SMS: variants seen among roughly 807,000 people sequenced by gnomAD.
SMS encodes the protein spermine synthase.
In SMS, 3 loss-of-function variants were observed where a neutral mutation model predicts 33.0. The observed-to-expected ratio is 0.09, with a 90% CI of 0.04 to 0.23. SMS has a LOEUF of 0.23. Among genes scored for constraint, SMS ranks in the 10% least tolerant of loss-of-function variants. SMS has a pLI of 1.00. For synonymous variants in SMS, 103 were observed against 112.2 expected, an observed-to-expected ratio of 0.92 and a Z score of 0.52; for missense variants, 117 against 288.6, an observed-to-expected ratio of 0.41 and a Z score of 4.31.
At chrX:21,946,699 A>G (rs887127139) in intron 1 of SMS, among the ~76,000 whole-genome samples, 6 of 111,518 alleles carry the variant, frequency 5.4e-5, no homozygotes, top group African/African-American at 1.6e-4. Context: ...GGGAGATGCT[A>G]CTAGCATCTA....
intron 2 of SMS, among the ~76,000 whole-genome samples, chrX:21,969,839 G>A (rs1241035955): frequency 1.8e-5 from 2 of 112,924 alleles, no homozygotes; most frequent in South Asian, 3.6e-4. Flanking sequence ...TTTTGAGACC[G>A]AATCTTGCTC....
At chrX:21,950,036 G>A (rs770339668) in intron 1 of SMS, among the ~76,000 whole-genome samples, 2 of 111,563 alleles carry the variant, frequency 1.8e-5, no homozygotes, top group Non-Finnish European at 3.8e-5. Context: ...CAGTGCCTTG[G>A]ATCATGCTTT....
chrX:21,972,171 C>T (rs1029189724), intron 3 of SMS, among the ~76,000 whole-genome samples, 181 bp downstream of exon 3: 1 of 112,446 alleles, frequency 8.9e-6, no homozygotes, highest in Non-Finnish European at 1.9e-5. Flanking sequence ...TGGGTGTCAG[C>T]GTTCCCTTTT....
chrX:21,943,634 TG>T (rs1015917071), intron 1 of SMS, among the ~76,000 whole-genome samples: 1 of 105,816 alleles, frequency 9.5e-6, no homozygotes, highest in South Asian at 4.4e-4. Context: ...TACGTGTGTG[TG>T]GGGGGGTGGG....
At chrX:21,944,944 A>G (rs1005307104) in intron 1 of SMS, among the ~76,000 whole-genome samples, 2 of 112,014 alleles carry the variant, frequency 1.8e-5, no homozygotes, top group Non-Finnish European at 3.8e-5. Flanking sequence ...GTGCCACTGC[A>G]CTCCAGCCTG....
At position 21,967,153 on chromosome X, in the gene SMS, C is replaced by T. The variant is rs754855641; in HGVS notation, c.50-43C>T. Reference sequence around the variant, plus strand: ...GTGCCTCATTGGCCTTCCTTCTGAACGTTTCTTTCTGACCATCTTGCCTTC... The same window carrying T: ...GTGCCTCATTGGCCTTCCTTCTGAATGTTTCTTTCTGACCATCTTGCCTTC... On this transcript the variant is annotated intron_variant, in intron 1 of 10. Coordinates refer to ENST00000404933, the MANE Select transcript of SMS (RefSeq NM_004595.5). 19 of 1,200,341 alleles carry T rather than the reference C, an allele frequency of 1.6e-5. No individual in the cohort carries two copies. In the East Asian group the frequency reaches 2.4e-4, roughly 15 times the overall value.
intron 7 of SMS, among the ~76,000 whole-genome samples, chrX:21,982,527 A>G (rs1925034067): frequency 9.0e-6 from 1 of 111,543 alleles, no homozygotes; most frequent in Non-Finnish European, 1.9e-5. Flanking sequence ...TCAAAACCGG[A>G]ACACACGGCT....
At chrX:21,941,757 C>A in intron 1 of SMS, among the ~76,000 whole-genome samples, 1 of 107,047 alleles carries the variant, frequency 9.3e-6, no homozygotes, top group Non-Finnish European at 1.9e-5. Flanking sequence ...TGGTGGCACG[C>A]GCCTGTAATC....
chrX:21,994,341 C>T lies in SMS; in HGVS notation c.1091C>T (p.Ala364Val). 8.3e-7 allele frequency: 1 copy of T among 1,209,410 alleles called. No homozygotes were observed. Among genetic ancestry groups the T allele is most frequent in the Non-Finnish European group, 1.1e-6 (1 of 893,380 alleles). ...LWVFYTVWKK[A>V]KP is the part of the protein sequence containing the mutation. ...GTATTTTACACTGTTTGGAAGAAAG[C>T]TAAACCCTGAAGATCAGTAGCCCCT... The change falls in exon 11 of 11, where the codon GCT (alanine) becomes GTT (valine). Residue 364 changes from alanine (A) to valine (V), a missense_variant. Around this residue, in one of 3 missense-constraint regions of SMS, gnomAD observed 69 missense variants for 203.8 expected, o/e 0.34. Coordinates refer to ENST00000404933, the MANE Select transcript of SMS (RefSeq NM_004595.5).
chrX:21,992,648 G>A lies in SMS; in HGVS notation c.997G>A (p.Gly333Arg), dbSNP rs1200431087. The A allele has an allele frequency of 8.3e-7, 1 of 1,206,326 alleles. No homozygotes were observed. The highest frequency in any genetic ancestry group is 1.8e-5 in the South Asian group (1 of 56,868). Residue 333 changes from glycine (G) to arginine (R), a missense_variant, in exon 10 of 11, where the codon GGG becomes AGG. Gly to Arg is a moderately radical substitution (Grantham distance 125). Transcript: ENST00000404933. ...EALSLYEEQL[G>R]RLYCPVEFSK... ...ACTGTCGCTCTATGAAGAACAGCTG[G>A]GGCGCCTGTATTGTCCTGTGGAATT...
chrX:21,990,446 A>G (rs750204579), intron 9 of SMS, among the ~76,000 whole-genome samples: 4 of 112,577 alleles, frequency 3.6e-5, no homozygotes, highest in African/African-American at 1.3e-4. Context: ...CTTATCCTTA[A>G]TGAGTGCTTA....
intron 2 of SMS, 58 bp from the exon 3 acceptor site, chrX:21,971,838 CT>C (rs1176805004): frequency 0.018 from 9,067 of 502,721 alleles, no homozygotes; most frequent in Non-Finnish European, 0.021. Context: ...CTCTCTCTCT[CT>C]TTTTTTTTTA....
chrX:21,961,763 G>A (rs773017700), intron 1 of SMS, among the ~76,000 whole-genome samples: 3 of 112,111 alleles, frequency 2.7e-5, no homozygotes, highest in African/African-American at 6.5e-5. Flanking sequence ...CAAAGGACAC[G>A]TTTTGCCTTG....
At chrX:21,984,544 A>G (rs745926316) in intron 8 of SMS, 126 bp downstream of exon 8, 6 of 524,350 alleles carry the variant, frequency 1.1e-5, no homozygotes, top group East Asian at 3.7e-5. Context: ...ATTGAGGTCC[A>G]TGGTGGAAAG....
chrX:21,950,813 A>G (rs1922555560), intron 1 of SMS, among the ~76,000 whole-genome samples: 1 of 111,740 alleles, frequency 8.9e-6, no homozygotes, highest in Non-Finnish European at 1.9e-5. Context: ...TCCATGGTGT[A>G]TATGTGCCAC....
chrX:21,950,699 T>C (rs1922549550), intron 1 of SMS, among the ~76,000 whole-genome samples: 2 of 109,896 alleles, frequency 1.8e-5, no homozygotes, highest in Admixed American at 1.9e-4. Flanking sequence ...ATGTGGTGTT[T>C]GGTTTTCTGT....
rs1220023814 is a variant in SMS, at chrX:21,973,286, A to C, written c.329+715A>C. Among the ~76,000 whole-genome samples the C allele has an allele frequency of 2.1e-4, 24 of 112,048 alleles. No homozygotes were observed. The Admixed American group carries it at 2.3e-3, about 11-fold the overall frequency. On this transcript the variant is annotated intron_variant, in intron 4 of 10. Transcript: ENST00000404933. ...ACCCCGTCTCTACTAAAAATAGAAAAAGTAGCCAGGCGTGGTGGTACGTGC... is the reference window on the plus strand; with the variant it reads ...ACCCCGTCTCTACTAAAAATAGAAACAGTAGCCAGGCGTGGTGGTACGTGC...
chrX:21,944,430 G>A (rs952480003), intron 1 of SMS, among the ~76,000 whole-genome samples: 6 of 104,130 alleles, frequency 5.8e-5, no homozygotes, highest in Admixed American at 2.2e-4. Context: ...GCGCGATGCC[G>A]CATGCCTGTA....
At chrX:21,981,166 C>T (rs758757892) in intron 7 of SMS, among the ~76,000 whole-genome samples, 1 of 110,460 alleles carries the variant, frequency 9.1e-6, no homozygotes, top group Non-Finnish European at 1.9e-5. Flanking sequence ...ACTAAAAATA[C>T]AAAAATTAGC....
Sources: gnomAD v4.1 joint callset for allele counts (sites outside exome capture counted in the v4.1 genomes callset) on GRCh38, gnomAD v4.1.1 for gene constraint, gnomAD v4.1.1 regional missense constraint, MANE v1.5 for transcripts, NCBI Gene and HGNC (gene_info 2026-07-23, HGNC 2026-07-21) for gene names.